The following THRB variants were observed in gnomAD, a reference collection of about 807,000 sequenced individuals.
THRB encodes the protein nuclear receptor subfamily 1 group A member 2.
In THRB, 12 loss-of-function variants were observed where a neutral mutation model predicts 47.8. That is an observed-to-expected ratio of 0.25 (90% confidence interval 0.16 to 0.41). The LOEUF (loss-of-function observed/expected upper bound fraction) is 0.41, where lower values mean the gene tolerates loss of function less well. THRB is among the 10% of genes least tolerant of loss of function. The pLI is 1.00. For missense variants in THRB, 348 were observed against 589.2 expected, an observed-to-expected ratio of 0.59 and a Z score of 4.24; for synonymous variants, 218 against 212.2, an observed-to-expected ratio of 1.03 and a Z score of -0.24.
chr3:24,180,408 A>G (rs2041745226), intron 5 of THRB, among the ~76,000 whole-genome samples: 1 of 152,244 alleles, frequency 6.6e-6, no homozygotes. Context: ...ATTGAGTTAA[A>G]CAGTCACATA....
At chr3:24,222,042 G>GA (rs2047208420) in intron 4 of THRB, among the ~76,000 whole-genome samples, 1 of 151,990 alleles carries the variant, frequency 6.6e-6, no homozygotes, top group Non-Finnish European at 1.5e-5. Flanking sequence ...GTTTCATGAG[G>GA]AAAAAAGGAG....
At chr3:24,158,710 G>T (rs1456568631) in intron 5 of THRB, among the ~76,000 whole-genome samples, 1 of 152,220 alleles carries the variant, frequency 6.6e-6, no homozygotes, top group South Asian at 2.1e-4. Context: ...GATTATAGGC[G>T]TGAGCCACTG....
intron 9 of THRB, among the ~76,000 whole-genome samples, chr3:24,129,268 C>T (rs1184279152): frequency 6.6e-6 from 1 of 152,166 alleles, no homozygotes. Flanking sequence ...TTGCTGACCC[C>T]AACCTCTGAG....
intron 1 of THRB, among the ~76,000 whole-genome samples, chr3:24,420,453 G>T (rs1338694324): frequency 6.6e-6 from 1 of 151,914 alleles, no homozygotes; most frequent in African/African-American, 2.4e-5. Context: ...GCAGCACAGG[G>T]TGAGAAGTGT....
At chr3:24,486,721 C>T (rs1188823148) in intron 1 of THRB, 1 of 152,078 alleles carries the variant, frequency 6.6e-6, no homozygotes, top group Non-Finnish European at 1.5e-5. Flanking sequence ...CATTACAGGA[C>T]AAATGTATAG....
At chr3:24,376,023 A>T (rs1191938290) in intron 1 of THRB, among the ~76,000 whole-genome samples, 3 of 152,112 alleles carry the variant, frequency 2.0e-5, no homozygotes, top group African/African-American at 4.8e-5. Flanking sequence ...AGAGGCCAAA[A>T]CTTGTCCTCA....
chr3:24,477,948 A>C (rs189101094), intron 1 of THRB, among the ~76,000 whole-genome samples: 2 of 150,948 alleles, frequency 1.3e-5, no homozygotes, highest in African/African-American at 4.9e-5. Context: ...GGTTACAGAA[A>C]ACCAGCAAAA....
intron 1 of THRB, among the ~76,000 whole-genome samples, chr3:24,449,042 T>A (rs1410271099): frequency 2.0e-5 from 3 of 152,208 alleles, no homozygotes; most frequent in Admixed American, 2.0e-4. Context: ...AAAGGCAGAA[T>A]TCTGAATTTG....
intron 2 of THRB, among the ~76,000 whole-genome samples, chr3:24,329,941 C>T (rs1200606644): frequency 6.6e-6 from 1 of 152,220 alleles, no homozygotes; most frequent in African/African-American, 2.4e-5. Context: ...TTTTAACAAA[C>T]CATCTAGATG....
chr3:24,189,983 A>T, intron 5 of THRB, 91 bp downstream of exon 5: 1 of 1,284,514 alleles, frequency 7.8e-7, no homozygotes, highest in Middle Eastern at 1.9e-4. Context: ...CATACATTGG[A>T]AGAGAAATGT....
At chr3:24,488,515 C>A (rs1697643886) in intron 1 of THRB, among the ~76,000 whole-genome samples, 1 of 150,466 alleles carries the variant, frequency 6.6e-6, no homozygotes, top group Non-Finnish European at 1.5e-5. Flanking sequence ...ATGTAAGCCA[C>A]AAGTTTCTTC....
At chr3:24,368,195 C>T (rs2064626830) in intron 1 of THRB, among the ~76,000 whole-genome samples, 1 of 152,074 alleles carries the variant, frequency 6.6e-6, no homozygotes, top group African/African-American at 2.4e-5. Context: ...ATGCCACTGC[C>T]CTGACATCTT....
chr3:24,365,007 C>T (rs1427473647), intron 1 of THRB, among the ~76,000 whole-genome samples: 1 of 152,028 alleles, frequency 6.6e-6, no homozygotes, highest in African/African-American at 2.4e-5. Flanking sequence ...ATGTTACTTC[C>T]AAATATATAC....
intron 2 of THRB, among the ~76,000 whole-genome samples, chr3:24,300,069 A>G (rs1329950738): frequency 2.0e-5 from 3 of 151,770 alleles, no homozygotes; most frequent in African/African-American, 7.3e-5. Flanking sequence ...ACAAAACAAT[A>G]TTTTCCCTAT....
chr3:24,270,536 A>G (rs927102628), intron 3 of THRB, among the ~76,000 whole-genome samples: 28 of 152,264 alleles, frequency 1.8e-4, no homozygotes, highest in Admixed American at 3.3e-4. Context: ...CAGACTGGCT[A>G]GAAATTAGAT....
rs149362535 is a variant in THRB, at chr3:24,248,354, G to A, written c.-42-19353C>T. On this transcript the variant is annotated intron_variant, in intron 3 of 10. Coordinates refer to ENST00000646209, the MANE Select transcript of THRB (RefSeq NM_001354712.2). ...CTAATAAAGAAAATACTCTTTTCTC[G>A]AAAAGCCAAGAGATATTTGGAAATT... 2.2e-3 allele frequency among the ~76,000 whole-genome samples: 337 copies of A among 152,164 alleles called. 3 individuals are homozygous for A. The highest frequency in any genetic ancestry group is 7.8e-3 in the African/African-American group (322 of 41,486).
chr3:24,291,026 A>C (rs1208198421), intron 3 of THRB, among the ~76,000 whole-genome samples: 1 of 152,142 alleles, frequency 6.6e-6, no homozygotes, highest in Non-Finnish European at 1.5e-5. Flanking sequence ...TAAGCAAAAA[A>C]CACTAATTGA....
chr3:24,368,497 G>A (rs563269837), intron 1 of THRB, among the ~76,000 whole-genome samples: 4 of 152,284 alleles, frequency 2.6e-5, no homozygotes, highest in African/African-American at 9.6e-5. Flanking sequence ...GACTAGACAC[G>A]AAGCTAAAAC....
chr3:24,322,639 T>C (rs2058557848), intron 2 of THRB, among the ~76,000 whole-genome samples: 1 of 152,222 alleles, frequency 6.6e-6, no homozygotes, highest in Non-Finnish European at 1.5e-5. Context: ...TGAAAGCTGA[T>C]TCCTTCAATG....
Sources: gnomAD v4.1 joint callset for allele counts (sites outside exome capture counted in the v4.1 genomes callset) on GRCh38, gnomAD v4.1.1 for gene constraint, MANE v1.5 for transcripts, NCBI Gene and HGNC (gene_info 2026-07-23, HGNC 2026-07-21) for gene names.